The following MLLT3 variants were observed in gnomAD, a reference collection of about 807,000 sequenced individuals.
The protein encoded by MLLT3 is protein AF-9.
MLLT3 carries 4 observed loss-of-function variants against 53.2 expected under a neutral mutation model. That is an observed-to-expected ratio of 0.08 (90% confidence interval 0.04 to 0.17). The LOEUF (loss-of-function observed/expected upper bound fraction) is 0.17. Ranked by LOEUF, MLLT3 falls within the 10% of genes least tolerant of loss-of-function variation. The probability of loss-of-function intolerance (pLI) is 1.00; values close to 1 mark genes in which losing one functional copy is unlikely to be tolerated. For synonymous variants in MLLT3, 283 were observed against 230.6 expected, an observed-to-expected ratio of 1.23 and a Z score of -2.06; for missense variants, 569 against 684.0, an observed-to-expected ratio of 0.83 and a Z score of 1.87.
chr9:20,578,872 G>C (rs1188277572), intron 2 of MLLT3, among the ~76,000 whole-genome samples: 1 of 152,026 alleles, frequency 6.6e-6, no homozygotes, highest in Non-Finnish European at 1.5e-5. Context: ...GATATGTTAA[G>C]TGATATTTTG....
chr9:20,441,374 T>C (rs1177246703), intron 4 of MLLT3, among the ~76,000 whole-genome samples: 1 of 152,194 alleles, frequency 6.6e-6, no homozygotes, highest in Non-Finnish European at 1.5e-5. Context: ...GTCATGACCA[T>C]GCTTTCCCTG....
intron 2 of MLLT3, among the ~76,000 whole-genome samples, chr9:20,558,568 A>C (rs1380384160): frequency 6.6e-6 from 1 of 152,154 alleles, no homozygotes; most frequent in Non-Finnish European, 1.5e-5. Flanking sequence ...GGCTCTTATC[A>C]ATTCAACAGC....
Position 20,620,542 on chromosome 9 carries a change from T to A in MLLT3, c.193+112A>T, listed in dbSNP as rs1820972263. On this transcript the variant is annotated intron_variant, in intron 2 of 10. Transcript: ENST00000380338. This position sits in a 1 kb window ranked among gnomAD's most constrained non-coding sequence, Gnocchi z 6.1. ...GCGCCGCGCACCCGGATCCCGAGGC[T>A]ACGCCGGCGAGCGCGGCGCGGGGGG... The A allele has an allele frequency of 1.1e-6, 1 of 951,972 alleles. No homozygotes were observed. Among genetic ancestry groups the A allele is most frequent in the South Asian group, 2.9e-5 (1 of 34,330 alleles). 59.0% of individuals were successfully genotyped at this position (951,972 alleles called of 1,614,324 possible).
intron 4 of MLLT3, among the ~76,000 whole-genome samples, chr9:20,439,128 C>T (rs1027528855): frequency 6.6e-6 from 1 of 152,088 alleles, no homozygotes; most frequent in South Asian, 2.1e-4. Flanking sequence ...CTGAGGTGGG[C>T]AGATCATTTG....
At chr9:20,406,574 T>C (rs530495066) in intron 5 of MLLT3, among the ~76,000 whole-genome samples, 12 of 152,174 alleles carry the variant, frequency 7.9e-5, no homozygotes, top group Non-Finnish European at 1.8e-4. Flanking sequence ...TAAAAACCAG[T>C]ACCGTGATTC....
intron 4 of MLLT3, among the ~76,000 whole-genome samples, chr9:20,446,736 T>C (rs1050144141): frequency 2.6e-5 from 4 of 152,234 alleles, no homozygotes; most frequent in Non-Finnish European, 5.9e-5. Flanking sequence ...ATCAAAACTA[T>C]ACTCCTGATA....
intron 2 of MLLT3, among the ~76,000 whole-genome samples, chr9:20,572,666 C>T (rs1465995415): frequency 3.3e-5 from 5 of 152,004 alleles, no homozygotes; most frequent in Admixed American, 3.3e-4. Flanking sequence ...TGATGGCAGG[C>T]GCCTGTAACC....
chr9:20,412,837 A>T (rs1311449015), intron 5 of MLLT3, among the ~76,000 whole-genome samples: 1 of 152,228 alleles, frequency 6.6e-6, no homozygotes, highest in Non-Finnish European at 1.5e-5. Context: ...AAACGTTATC[A>T]AATACTTTTG....
intron 2 of MLLT3, among the ~76,000 whole-genome samples, chr9:20,460,543 T>C (rs953605893): frequency 2.6e-5 from 4 of 152,182 alleles, no homozygotes; most frequent in African/African-American, 4.8e-5. Context: ...CATAATCTTG[T>C]TGCAATGAAC....
intron 5 of MLLT3, among the ~76,000 whole-genome samples, chr9:20,387,086 C>T (rs1434833648): frequency 6.6e-6 from 1 of 152,172 alleles, no homozygotes; most frequent in East Asian, 1.9e-4. Flanking sequence ...ACTTCGGATC[C>T]TCTATAGCAA....
intron 5 of MLLT3, among the ~76,000 whole-genome samples, chr9:20,408,381 C>T (rs1368107160): frequency 6.6e-6 from 1 of 151,486 alleles, no homozygotes; most frequent in Non-Finnish European, 1.5e-5. Flanking sequence ...TGTGATCACA[C>T]CCAACACAGA....
At chr9:20,392,265 G>A (rs1414580897) in intron 5 of MLLT3, among the ~76,000 whole-genome samples, 1 of 152,104 alleles carries the variant, frequency 6.6e-6, no homozygotes, top group Admixed American at 6.6e-5. Context: ...AACCTTCAGG[G>A]TCCAGAGATT....
intron 2 of MLLT3, among the ~76,000 whole-genome samples, chr9:20,468,803 G>A (rs1412418762): frequency 6.6e-6 from 1 of 152,166 alleles, no homozygotes; most frequent in Non-Finnish European, 1.5e-5. Context: ...TAACTTGAAA[G>A]CAAATGCATT....
chr9:20,388,984 C>T (rs1822115135), intron 5 of MLLT3, among the ~76,000 whole-genome samples: 1 of 152,262 alleles, frequency 6.6e-6, no homozygotes, highest in East Asian at 1.9e-4. Context: ...ACTGCAAATG[C>T]TGCAGTAGGA....
chr9:20,601,201 C>A (rs912699295), intron 2 of MLLT3, among the ~76,000 whole-genome samples: 4 of 152,152 alleles, frequency 2.6e-5, no homozygotes, highest in Non-Finnish European at 5.9e-5. Flanking sequence ...ATACACTGCC[C>A]ACCTTTAGTT....
chr9:20,621,650 G>C lies in MLLT3; in HGVS notation c.12+595C>G, dbSNP rs1821013589. ...AATTCAGAAAGGCAGGGCGGCGGGC[G>C]GACAGCCGCCGAGCCTCGGCTCGCG... On this transcript the variant is annotated intron_variant, in intron 1 of 10. Transcript: ENST00000380338. The surrounding 1 kb of genome is among the most constrained non-coding windows in gnomAD (Gnocchi z 7.0). 3 of 946,820 alleles carry C rather than the reference G, an allele frequency of 3.2e-6. No homozygotes were observed. Among genetic ancestry groups the C allele is most frequent in the Admixed American group, 3.5e-5 (1 of 28,176 alleles). The allele number at this position is 946,820 out of a possible 1,614,324, so 58.7% of individuals were successfully genotyped here.
intron 8 of MLLT3, among the ~76,000 whole-genome samples, chr9:20,355,656 TGAAA>T (rs1173460387): frequency 6.6e-6 from 1 of 152,240 alleles, no homozygotes; most frequent in Non-Finnish European, 1.5e-5. Flanking sequence ...GGTCCTCACT[TGAAA>T]AAGCTTGAAA....
rs137924485 is a variant in MLLT3, at chr9:20,539,630, C to T, written c.193+81024G>A. Among the ~76,000 whole-genome samples the T allele has an allele frequency of 6.0e-3, 921 of 152,270 alleles. 29 individuals carry two copies. Among genetic ancestry groups the T allele is most frequent in the Admixed American group, 0.057 (874 of 15,298 alleles). ...ATGGGGGAAATCCACACCCATGATCCAATCACCTCCCACTAGATACCTCCC... is the reference window on the plus strand; with the variant it reads ...ATGGGGGAAATCCACACCCATGATCTAATCACCTCCCACTAGATACCTCCC... On this transcript the variant is annotated intron_variant, in intron 2 of 10. Transcript: ENST00000380338.
At chr9:20,491,332 TGAGA>T (rs952779258) in intron 2 of MLLT3, among the ~76,000 whole-genome samples, 6 of 152,012 alleles carry the variant, frequency 3.9e-5, no homozygotes, top group South Asian at 4.1e-4. Flanking sequence ...AAAAACCATG[TGAGA>T]GAGTTTTTTC....
Sources: allele counts gnomAD v4.1 joint callset (sites outside exome capture counted in the v4.1 genomes callset), GRCh38; gene constraint gnomAD v4.1.1; non-coding constraint Gnocchi (gnomAD v3.1); transcripts MANE v1.5; gene names NCBI Gene and HGNC (gene_info 2026-07-23, HGNC 2026-07-21).